The following MAP3K5 variants were observed in gnomAD, a reference collection of about 807,000 sequenced individuals.
MAP3K5 encodes the protein mitogen-activated protein kinase kinase kinase 5.
MAP3K5 carries 56 observed loss-of-function variants against 158.7 expected under a neutral mutation model. The ratio of observed to expected loss-of-function variants is 0.35; its 90% CI spans 0.28 to 0.44. MAP3K5 has a LOEUF of 0.44. Ranked by LOEUF, MAP3K5 falls within the 20% of genes least tolerant of loss-of-function variation. The pLI, the probability that MAP3K5 is intolerant of heterozygous loss-of-function variation, is 1.00. For missense variants in MAP3K5, 1,294 were observed against 1,674.8 expected, an observed-to-expected ratio of 0.77 and a Z score of 3.97; for synonymous variants, 579 against 601.7, an observed-to-expected ratio of 0.96 and a Z score of 0.55.
intron 25 of MAP3K5, among the ~76,000 whole-genome samples, chr6:136,576,774 C>T (rs1170033709): frequency 6.6e-6 from 1 of 152,174 alleles, no homozygotes; most frequent in African/African-American, 2.4e-5. Context: ...AATAACATTT[C>T]AGTCAAGGAT....
At chr6:136,764,293 C>A (rs1783873510) in intron 1 of MAP3K5, among the ~76,000 whole-genome samples, 3 of 152,248 alleles carry the variant, frequency 2.0e-5, no homozygotes, top group Non-Finnish European at 4.4e-5. Flanking sequence ...AGGATGCAGA[C>A]AAAAATAATG....
intron 1 of MAP3K5, among the ~76,000 whole-genome samples, chr6:136,744,015 G>A (rs529406962): frequency 1.3e-5 from 2 of 152,280 alleles, no homozygotes; most frequent in South Asian, 4.1e-4. Flanking sequence ...TGTGAGGAGG[G>A]ATGAATAGGC....
At chr6:136,585,893 C>T (rs958204283) in intron 23 of MAP3K5, among the ~76,000 whole-genome samples, 2 of 152,114 alleles carry the variant, frequency 1.3e-5, no homozygotes, top group African/African-American at 2.4e-5. Flanking sequence ...CTTTAAGAAA[C>T]TATTATATCA....
At chr6:136,783,877 T>G (rs1485482929) in intron 1 of MAP3K5, among the ~76,000 whole-genome samples, 1 of 132,688 alleles carries the variant, frequency 7.5e-6, no homozygotes, top group African/African-American at 2.6e-5. Context: ...TGGAGAGACT[T>G]GCACATTTCC....
At chr6:136,619,112 G>A (rs1275842660) in intron 15 of MAP3K5, among the ~76,000 whole-genome samples, 1 of 152,206 alleles carries the variant, frequency 6.6e-6, no homozygotes, top group African/African-American at 2.4e-5. Context: ...TAAAGAGCTG[G>A]GACCGGACAC....
chr6:136,652,125 T>C (rs1370954963), intron 10 of MAP3K5, among the ~76,000 whole-genome samples: 2 of 152,074 alleles, frequency 1.3e-5, no homozygotes, highest in Non-Finnish European at 2.9e-5. Context: ...GCTCCACCCA[T>C]AAGGAATTAC....
intron 1 of MAP3K5, among the ~76,000 whole-genome samples, chr6:136,747,120 TACATTGCCCAGGCTGGTTTTGA>T (rs1782997086): frequency 6.6e-6 from 1 of 152,178 alleles, no homozygotes; most frequent in African/African-American, 2.4e-5. Context: ...AGGGTCTTGC[TACATTGCCCAGGCTGGTTTTGA>T]ACTCCTGGTC....
At chr6:136,619,346 G>C (rs77640338) in intron 15 of MAP3K5, among the ~76,000 whole-genome samples, 1,836 of 152,236 alleles carry the variant, frequency 0.012, 36 homozygotes, top group African/African-American at 0.043. Context: ...TCAAAGTAAG[G>C]GTTCTGGGTT....
At chr6:136,739,324 C>A (rs1425099123) in intron 1 of MAP3K5, among the ~76,000 whole-genome samples, 1 of 152,134 alleles carries the variant, frequency 6.6e-6, no homozygotes, top group Non-Finnish European at 1.5e-5. Context: ...CAGCCCTCAA[C>A]ACCCTGAGCC....
chr6:136,780,588 T>A (rs1570054), intron 1 of MAP3K5, among the ~76,000 whole-genome samples: 57 of 151,968 alleles, frequency 3.8e-4, no homozygotes, highest in Admixed American at 3.7e-3. Context: ...TGGCGCTTCC[T>A]GTGAAGAATG....
At chr6:136,611,243 T>G (rs139707717) in intron 18 of MAP3K5, 39 bp downstream of exon 18, 1 of 1,271,854 alleles carries the variant, frequency 7.9e-7, no homozygotes. Flanking sequence ...ATTATTTCTT[T>G]AATTACATAA....
At chr6:136,780,983 C>T (rs1411984106) in intron 1 of MAP3K5, among the ~76,000 whole-genome samples, 4 of 152,126 alleles carry the variant, frequency 2.6e-5, no homozygotes, top group Non-Finnish European at 5.9e-5. Context: ...TTCTTCGATA[C>T]ATCCTGATTC....
intron 15 of MAP3K5, among the ~76,000 whole-genome samples, chr6:136,620,128 G>A (rs1776737355): frequency 6.6e-6 from 1 of 152,112 alleles, no homozygotes; most frequent in Non-Finnish European, 1.5e-5. Flanking sequence ...AAATTAGGCA[G>A]GCATGATGAT....
intron 10 of MAP3K5, among the ~76,000 whole-genome samples, chr6:136,652,445 T>C (rs1464160038): frequency 6.6e-6 from 1 of 152,110 alleles, no homozygotes. Flanking sequence ...TGAATCAAAA[T>C]CTTAATTCCA....
At chr6:136,707,154 CA>C (rs886660358) in intron 2 of MAP3K5, among the ~76,000 whole-genome samples, 9 of 146,770 alleles carry the variant, frequency 6.1e-5, no homozygotes, top group South Asian at 2.1e-4. Context: ...GATCCTGACT[CA>C]AAAAAAAAAT....
Position 136,592,460 on chromosome 6 carries a change from C to T in MAP3K5, c.3033G>A (p.Lys1011=), listed in dbSNP as rs1775431174. 13 of 1,614,050 alleles carry T rather than the reference C, an allele frequency of 8.1e-6. No homozygotes were observed. Among genetic ancestry groups the T allele is most frequent in the Non-Finnish European group, 1.1e-5 (13 of 1,179,988 alleles). The stretch of plus-strand genomic sequence containing the variant: ...ACCCCAAAAAGAGTGTCCGAATTCC[C>T]TTGACATCTCTTTCTCCGCAGGACT... ...RAKSCGERDV[K]GIRTLFLGIP... is the part of the protein sequence containing the mutation. Residue 1011 remains lysine (K), a synonymous_variant, in exon 22 of 30, where the codon AAG becomes AAA. Transcript: ENST00000359015.
At chr6:136,604,238 C>G (rs2129086906) in intron 19 of MAP3K5, among the ~76,000 whole-genome samples, 1 of 151,772 alleles carries the variant, frequency 6.6e-6, no homozygotes, top group Admixed American at 6.6e-5. Context: ...ACGAGAATTG[C>G]TTGAACTCAG....
chr6:136,692,244 T>C (rs1249004473), intron 7 of MAP3K5, among the ~76,000 whole-genome samples: 1 of 152,156 alleles, frequency 6.6e-6, no homozygotes, highest in Non-Finnish European at 1.5e-5. Flanking sequence ...ACATTTTGGA[T>C]GATAAGCTGT....
chr6:136,722,045 C>A (rs958014377), intron 1 of MAP3K5, among the ~76,000 whole-genome samples: 3 of 152,074 alleles, frequency 2.0e-5, no homozygotes, highest in Non-Finnish European at 4.4e-5. Context: ...CTGAAAATCC[C>A]AGCCACTGCA....
Sources: gnomAD v4.1 joint callset for allele counts (sites outside exome capture counted in the v4.1 genomes callset) on GRCh38, gnomAD v4.1.1 for gene constraint, MANE v1.5 for transcripts, NCBI Gene and HGNC (gene_info 2026-07-23, HGNC 2026-07-21) for gene names.